Variants in EHBP1 observed in about 807,000 individuals in gnomAD.
EHBP1 encodes EH domain-binding protein 1.
In EHBP1, 55 loss-of-function variants were observed where a neutral mutation model predicts 144.0. That is an observed-to-expected ratio of 0.38 (90% CI 0.31 to 0.48). The LOEUF (loss-of-function observed/expected upper bound fraction) is 0.48, where lower values mean the gene tolerates loss of function less well. Among genes scored for constraint, EHBP1 ranks in the 20% least tolerant of loss-of-function variants. The pLI is 0.98. For missense variants in EHBP1, 1,200 were observed against 1,364.2 expected, an observed-to-expected ratio of 0.88 and a Z score of 1.90; for synonymous variants, 469 against 472.7, an observed-to-expected ratio of 0.99 and a Z score of 0.10.
intron 19 of EHBP1, among the ~76,000 whole-genome samples, chr2:63,031,076 C>T (rs977893307): frequency 3.3e-5 from 5 of 152,094 alleles, no homozygotes; most frequent in Non-Finnish European, 5.9e-5. Context: ...AGATTACAGG[C>T]GTGAGCCACT....
Position 62,859,262 on chromosome 2 carries a change from T to C in EHBP1, c.728T>C (p.Leu243Ser). The C allele has an allele frequency of 6.2e-7, 1 of 1,609,096 alleles. No individual in the cohort carries two copies. Among genetic ancestry groups the C allele is most frequent in the Non-Finnish European group, 8.5e-7 (1 of 1,176,564 alleles). Reference sequence around the variant, plus strand: ...TTTGATGATCCTGATGCTGCAGAATTAAATCCATTTGGAGATCCTGACTCA... The same window carrying C: ...TTTGATGATCCTGATGCTGCAGAATCAAATCCATTTGGAGATCCTGACTCA... The part of the protein sequence containing the change: ...NPFDDPDAAE[L>S]NPFGDPDSEE... The change falls in exon 8 of 23, where the codon TTA (leucine) becomes TCA (serine). Residue 243 changes from leucine (L) to serine (S), a missense_variant. Physicochemically the swap from Leu to Ser is moderately radical, Grantham distance 145 (BLOSUM62 -2). Transcript: ENST00000431489.
intron 5 of EHBP1, among the ~76,000 whole-genome samples, chr2:62,782,580 T>C (rs984017711): frequency 6.6e-6 from 1 of 152,128 alleles, no homozygotes; most frequent in Non-Finnish European, 1.5e-5. Context: ...ACAGTCATAG[T>C]GGAAGGCACC....
chr2:62,723,614 AAC>A (rs1482382879), intron 2 of EHBP1, among the ~76,000 whole-genome samples: 3 of 152,186 alleles, frequency 2.0e-5, no homozygotes, highest in Non-Finnish European at 2.9e-5. Context: ...AGTGGCTGGA[AAC>A]AGTCTTTCCT....
chr2:62,874,576 T>G lies in EHBP1; in HGVS notation c.1185+44T>G, dbSNP rs199519426. 3 of 1,466,418 alleles carry G rather than the reference T, an allele frequency of 2.0e-6. No homozygotes were observed. In the Admixed American group the frequency reaches 6.8e-5, roughly 33 times the overall value. 90.8% of individuals were successfully genotyped at this position (1,466,418 alleles called of 1,614,324 possible). A position where few individuals can be genotyped will look rare whatever the true frequency, so the allele number is the denominator to read the frequency against. On this transcript the variant is annotated intron_variant, in intron 10 of 22. Coordinates refer to ENST00000431489, the MANE Select transcript of EHBP1 (RefSeq NM_001142616.3). The stretch of plus-strand genomic sequence containing the variant: ...TAAAACATGTATTAATATTTGCTGT[T>G]TTCTCCCCGTGCCATTTAATTTAAA...
intron 10 of EHBP1, among the ~76,000 whole-genome samples, chr2:62,918,213 A>G (rs1357437342): frequency 6.6e-6 from 1 of 151,540 alleles, no homozygotes; most frequent in African/African-American, 2.4e-5. Context: ...GTTTTTTTTC[A>G]CTGCCTATAT....
intron 21 of EHBP1, among the ~76,000 whole-genome samples, chr2:63,042,455 T>G (rs2061702415): frequency 6.6e-6 from 1 of 152,078 alleles, no homozygotes; most frequent in South Asian, 2.1e-4. Context: ...TGACTAATAT[T>G]TTGTAGACAG....
intron 10 of EHBP1, among the ~76,000 whole-genome samples, chr2:62,924,219 C>T (rs949160698): frequency 1.3e-5 from 2 of 152,194 alleles, no homozygotes; most frequent in Non-Finnish European, 2.9e-5. Flanking sequence ...CCAAAGTAAC[C>T]TATGGCCACA....
chr2:62,938,806 GAAAA>G (rs139219285), intron 10 of EHBP1, among the ~76,000 whole-genome samples: 1 of 146,508 alleles, frequency 6.8e-6, no homozygotes, highest in East Asian at 2.0e-4. Context: ...GTTTGTGGGG[GAAAA>G]AAAAAAGAAG....
At chr2:62,890,298 G>A (rs1178203244) in intron 10 of EHBP1, among the ~76,000 whole-genome samples, 1 of 152,060 alleles carries the variant, frequency 6.6e-6, no homozygotes, top group African/African-American at 2.4e-5. Flanking sequence ...AGTTTGATGG[G>A]AACAGCATTT....
At chr2:63,032,890 T>C (rs2061321399) in intron 19 of EHBP1, among the ~76,000 whole-genome samples, 1 of 152,192 alleles carries the variant, frequency 6.6e-6, no homozygotes. Flanking sequence ...ACAGGATTTT[T>C]CCCAAAGTTT....
rs35278236 is a variant in EHBP1, at chr2:62,993,857, CTTTTT to C, written c.2873-8_2873-4del. ...TACAATAATTTTACATGTCTTTCCT[CTTTTT>C]TTTTTAAGAGATGAAAAGGCAGAGA... On this transcript the variant is annotated splice_polypyrimidine_tract_variant and intron_variant, in intron 17 of 22. Transcript: ENST00000431489. 7.7e-7 allele frequency: 1 copy of C among 1,291,340 alleles called. No individual in the cohort carries two copies. Among genetic ancestry groups the C allele is most frequent in the Non-Finnish European group, 1.0e-6 (1 of 960,738 alleles). 80.0% of individuals were successfully genotyped at this position (1,291,340 alleles called of 1,614,324 possible).
At chr2:63,035,029 C>G (rs1165265265) in intron 19 of EHBP1, among the ~76,000 whole-genome samples, 2 of 151,924 alleles carry the variant, frequency 1.3e-5, no homozygotes, top group Non-Finnish European at 2.9e-5. Context: ...TGATCACAGG[C>G]TTTAATATTT....
intron 10 of EHBP1, among the ~76,000 whole-genome samples, chr2:62,939,551 G>T (rs1470653402): frequency 6.6e-6 from 1 of 152,180 alleles, no homozygotes; most frequent in Non-Finnish European, 1.5e-5. Context: ...GAGATTACAG[G>T]TGTGAACCGC....
intron 5 of EHBP1, among the ~76,000 whole-genome samples, chr2:62,783,304 G>A (rs2042572828): frequency 6.6e-6 from 1 of 152,156 alleles, no homozygotes; most frequent in African/African-American, 2.4e-5. Context: ...ACCTCTCAGT[G>A]GATCTACCAT....
chr2:62,867,809 A>G lies in EHBP1; in HGVS notation c.998+2838A>G, dbSNP rs574272776. 8.5e-5 allele frequency among the ~76,000 whole-genome samples: 13 copies of G among 152,356 alleles called. 2 individuals carry two copies. In the South Asian group the frequency reaches 2.5e-3, roughly 29 times the overall value. ...TTTATACTATCTGATTTTAAAACTC[A>G]TTAACCAAGACAGTGTGGTATTAGT... On this transcript the variant is annotated intron_variant, in intron 9 of 22. Coordinates refer to ENST00000431489, the MANE Select transcript of EHBP1 (RefSeq NM_001142616.3).
chr2:62,838,191 C>G (rs1470957921), intron 7 of EHBP1, among the ~76,000 whole-genome samples: 3 of 152,124 alleles, frequency 2.0e-5, no homozygotes, highest in African/African-American at 7.2e-5. Flanking sequence ...GAATCCCACT[C>G]AAAGCCGCTC....
chr2:63,023,951 A>G (rs1012588029), intron 19 of EHBP1, among the ~76,000 whole-genome samples: 1 of 152,214 alleles, frequency 6.6e-6, no homozygotes, highest in African/African-American at 2.4e-5. Flanking sequence ...TGAATTTTTA[A>G]AAGTCATAAA....
intron 10 of EHBP1, among the ~76,000 whole-genome samples, chr2:62,882,640 T>C (rs1449917045): frequency 6.6e-6 from 1 of 152,186 alleles, no homozygotes; most frequent in Non-Finnish European, 1.5e-5. Flanking sequence ...CCCAGCACTT[T>C]GGGAGGCCGA....
intron 3 of EHBP1, among the ~76,000 whole-genome samples, chr2:62,753,162 G>T (rs1045435197): frequency 6.6e-6 from 1 of 152,160 alleles, no homozygotes; most frequent in African/African-American, 2.4e-5. Context: ...TGTATGTTTA[G>T]TGCTTCCTTC....
Sources: allele counts gnomAD v4.1 joint callset (sites outside exome capture counted in the v4.1 genomes callset), GRCh38; gene constraint gnomAD v4.1.1; transcripts MANE v1.5; gene names NCBI Gene and HGNC (gene_info 2026-07-23, HGNC 2026-07-21).